PUDP: variants seen among roughly 807,000 people sequenced by gnomAD.
The protein encoded by PUDP is pseudouridine 5'-phosphatase.
Under a neutral mutation model 9.4 loss-of-function variants are expected in PUDP, and 8 were observed. The ratio of observed to expected loss-of-function variants is 0.85; its 90% CI spans 0.50 to 1.53. The LOEUF is 1.53. Among genes scored for constraint, PUDP ranks in the 40% most tolerant of loss-of-function variants. The probability of loss-of-function intolerance (pLI) is 0.00; values close to 1 mark genes in which losing one functional copy is unlikely to be tolerated. For missense variants in PUDP, 188 were observed against 189.7 expected, an observed-to-expected ratio of 0.99 and a Z score of 0.05; for synonymous variants, 99 against 80.7, an observed-to-expected ratio of 1.23 and a Z score of -1.22.
intron 3 of PUDP, among the ~76,000 whole-genome samples, chrX:6,875,215 T>C (rs7473229): frequency 0.092 from 10,186 of 110,527 alleles, 610 homozygotes; most frequent in East Asian, 0.46. Flanking sequence ...ACTACAGGTA[T>C]GCGCCAACAG....
chrX:6,835,988 G>C (rs1248507612), intron 3 of PUDP, among the ~76,000 whole-genome samples: 1 of 110,356 alleles, frequency 9.1e-6, no homozygotes, highest in East Asian at 2.8e-4. Flanking sequence ...CGAAGTGCTG[G>C]GATTACAGGT....
intron 1 of PUDP, among the ~76,000 whole-genome samples, chrX:7,145,085 C>T (rs1342060570): frequency 3.6e-5 from 4 of 111,721 alleles, no homozygotes; most frequent in Non-Finnish European, 5.6e-5. Context: ...TGAAATGAGG[C>T]TAGTTCAAAC....
At chrX:6,786,273 C>G (rs17306376) in intron 3 of PUDP, among the ~76,000 whole-genome samples, 3,977 of 111,581 alleles carry the variant, frequency 0.036, 73 homozygotes, top group Non-Finnish European at 0.06. Context: ...TTTACAAACC[C>G]TGAAGCAGAA....
At chrX:7,004,314 G>C (rs1333770672) in intron 1 of PUDP, among the ~76,000 whole-genome samples, 1 of 111,167 alleles carries the variant, frequency 9.0e-6, no homozygotes, top group African/African-American at 3.3e-5. Flanking sequence ...TTTTGTTTTA[G>C]CTCAGTGTAG....
intron 3 of PUDP, among the ~76,000 whole-genome samples, chrX:6,728,370 G>C (rs1924768575): frequency 9.1e-6 from 1 of 109,335 alleles, no homozygotes; most frequent in Admixed American, 9.8e-5. Flanking sequence ...ACACATACAT[G>C]CACACACACA....
chrX:6,785,959 T>C (rs1045817904), intron 3 of PUDP, among the ~76,000 whole-genome samples: 1 of 111,369 alleles, frequency 9.0e-6, no homozygotes, highest in African/African-American at 3.3e-5. Context: ...AACCTGAACA[T>C]ACCATGCTCA....
At chrX:6,747,077 A>C (rs1925008358) in intron 3 of PUDP, among the ~76,000 whole-genome samples, 3 of 111,242 alleles carry the variant, frequency 2.7e-5, no homozygotes, top group Admixed American at 9.6e-5. Context: ...ACCAACATCT[A>C]TTGTTTCTTG....
At chrX:7,143,765 TC>T (rs1359498337) in intron 1 of PUDP, among the ~76,000 whole-genome samples, 2 of 112,189 alleles carry the variant, frequency 1.8e-5, no homozygotes, top group Non-Finnish European at 3.8e-5. Flanking sequence ...CTTTTCAGTT[TC>T]CAGAAACAAC....
chrX:6,759,798 G>A (rs1449374857), intron 3 of PUDP, among the ~76,000 whole-genome samples: 1 of 111,980 alleles, frequency 8.9e-6, no homozygotes, highest in African/African-American at 3.2e-5. Flanking sequence ...GTTGGCAAAA[G>A]TACTGGCCTT....
At chrX:6,835,861 C>T (rs1926573003) in intron 3 of PUDP, among the ~76,000 whole-genome samples, 1 of 102,078 alleles carries the variant, frequency 9.8e-6, no homozygotes, top group African/African-American at 3.7e-5. Flanking sequence ...TACAGGTGTG[C>T]ACTGCCACTG....
intron 3 of PUDP, among the ~76,000 whole-genome samples, chrX:6,826,432 GA>G (rs999440613): frequency 3.6e-5 from 4 of 111,581 alleles, no homozygotes; most frequent in African/African-American, 1.3e-4. Context: ...CCTTTGATCA[GA>G]ACACCAGGTA....
chrX:6,835,163 T>C (rs979443935), intron 3 of PUDP, among the ~76,000 whole-genome samples: 1 of 110,782 alleles, frequency 9.0e-6, no homozygotes, highest in Non-Finnish European at 1.9e-5. Context: ...CAGCCAGAAC[T>C]GAAGAAATTG....
intron 3 of PUDP, among the ~76,000 whole-genome samples, chrX:6,827,005 A>T (rs1926433071): frequency 1.8e-5 from 2 of 112,123 alleles, no homozygotes; most frequent in Non-Finnish European, 3.8e-5. Flanking sequence ...AGTGATTGTT[A>T]GGGATTGTCA....
rs764486249 is a variant in PUDP at position 6,890,935 on chromosome X, C to CAAAAAAAAA, written c.*247+86189_*247+86197dup. On this transcript the variant is annotated intron_variant and NMD_transcript_variant, in intron 3 of 3. Coordinates refer to the PUDP transcript ENST00000655425. ...GGCACATGATGAGGCCTCATCTCTC[C>CAAAAAAAAA]AAAAAAAAAAAAAAAAAAAAAAAAA... Among the ~76,000 whole-genome samples, 9 of 33,133 alleles carry CAAAAAAAAA rather than the reference C, an allele frequency of 2.7e-4. 1 individual carries two copies. Among genetic ancestry groups the CAAAAAAAAA allele is most frequent in the African/African-American group, 1.3e-3 (9 of 6,751 alleles). The allele number at this position is 33,133 out of a possible 115,157, so 28.8% of individuals were successfully genotyped here.
chrX:6,706,751 A>T (rs1049184787), intron 1 of PUDP, among the ~76,000 whole-genome samples: 2 of 111,592 alleles, frequency 1.8e-5, no homozygotes, highest in Non-Finnish European at 3.8e-5. Flanking sequence ...AGCAAAACAA[A>T]TTTTGCCTTG....
chrX:6,950,093 T>C (rs1341907176), intron 3 of PUDP, among the ~76,000 whole-genome samples: 1 of 110,607 alleles, frequency 9.0e-6, no homozygotes, highest in Non-Finnish European at 1.9e-5. Flanking sequence ...ATCTCAGCAC[T>C]TTGGGAGGTT....
At chrX:6,820,884 A>G (rs1926330882) in intron 3 of PUDP, among the ~76,000 whole-genome samples, 1 of 111,531 alleles carries the variant, frequency 9.0e-6, no homozygotes, top group Admixed American at 9.5e-5. Context: ...TCACAGCTCC[A>G]CTAGGCAGTG....
intron 3 of PUDP, among the ~76,000 whole-genome samples, chrX:6,946,172 T>C (rs989058388): frequency 2.7e-5 from 3 of 111,671 alleles, no homozygotes; most frequent in African/African-American, 9.8e-5. Context: ...TGTTAGTGTC[T>C]TCTGCTTCAC....
chrX:6,739,336 C>T (rs1026024729), intron 3 of PUDP, among the ~76,000 whole-genome samples: 2 of 111,907 alleles, frequency 1.8e-5, no homozygotes, highest in Non-Finnish European at 1.9e-5. Flanking sequence ...GGACAATTTC[C>T]TGAAAGGGGT....
Sources: gnomAD v4.1 joint callset for allele counts (sites outside exome capture counted in the v4.1 genomes callset) on GRCh38, gnomAD v4.1.1 for gene constraint, MANE v1.5 for transcripts, NCBI Gene and HGNC (gene_info 2026-07-23, HGNC 2026-07-21) for gene names.